CSMD3: variants seen among roughly 807,000 people sequenced by gnomAD.
CSMD3 encodes CUB and Sushi multiple domains 3, also known as CUB and sushi domain-containing protein 3.
In CSMD3, 177 loss-of-function variants were observed where a neutral mutation model predicts 435.2. That is an observed-to-expected ratio of 0.41 (90% CI 0.36 to 0.46). CSMD3 has a LOEUF of 0.46. CSMD3 is among the 20% of genes least tolerant of loss of function. The probability of loss-of-function intolerance (pLI) is 0.34; values close to 1 mark genes in which losing one functional copy is unlikely to be tolerated. For missense variants in CSMD3, 4,265 were observed against 4,504.6 expected (o/e 0.95, Z 1.52); for synonymous variants, 1,656 against 1,520.5 (o/e 1.09, Z -2.07).
intron 6 of CSMD3, among the ~76,000 whole-genome samples, chr8:112,996,895 T>C (rs1021988827): frequency 6.6e-6 from 1 of 151,664 alleles, no homozygotes; most frequent in Non-Finnish European, 1.5e-5. Flanking sequence ...TAGTTTCTTA[T>C]GGAAGTCTTA....
At position 112,378,973 on chromosome 8, in the gene CSMD3, A is replaced by G. The variant is rs538427940; in HGVS notation, c.6136+1379T>C. 6.6e-5 allele frequency among the ~76,000 whole-genome samples: 10 copies of G among 152,298 alleles called. No homozygotes were observed. The South Asian group carries it at 2.1e-3, about 32-fold the overall frequency. On this transcript the variant is annotated intron_variant, in intron 38 of 70. Transcript: ENST00000297405. The stretch of plus-strand genomic sequence containing the variant: ...TGTTGAAGAGATTCCATTAAAAAAA[A>G]CTGTTAGAACTAATAAATGAATCAG...
chr8:112,414,266 T>C (rs1811670163), intron 32 of CSMD3, among the ~76,000 whole-genome samples: 1 of 152,140 alleles, frequency 6.6e-6, no homozygotes, highest in Non-Finnish European at 1.5e-5. Context: ...CAATAATCCC[T>C]ATGTCCCCCT....
chr8:112,550,228 C>T (rs146774376), intron 27 of CSMD3, among the ~76,000 whole-genome samples: 1 of 152,002 alleles, frequency 6.6e-6, no homozygotes, highest in African/African-American at 2.4e-5. Flanking sequence ...TCAAAGATGT[C>T]TGTGAATACA....
chr8:112,739,268 T>C (rs7820108), intron 13 of CSMD3, among the ~76,000 whole-genome samples: 50,341 of 151,416 alleles, frequency 0.33, 9,236 homozygotes, highest in African/African-American at 0.5. Flanking sequence ...TCTTGTGTTT[T>C]CTTGAGCTTT....
rs1252573229 is a variant in CSMD3 at position 113,406,724 on chromosome 8, T to C, written c.178+29953A>G. Among the ~76,000 whole-genome samples the C allele has an allele frequency of 3.3e-5, 5 of 152,126 alleles. No homozygotes were observed. In the East Asian group the frequency reaches 9.7e-4, roughly 29 times the overall value. On this transcript the variant is annotated intron_variant, in intron 1 of 70. Transcript: ENST00000297405. Reference sequence around the variant, plus strand: ...GGGGAGAGGAGAACTCTACAGAGTATATGTCCTAATTTAAACAACAAATTT... The same window carrying C: ...GGGGAGAGGAGAACTCTACAGAGTACATGTCCTAATTTAAACAACAAATTT...
chr8:112,656,308 T>C lies in CSMD3; in HGVS notation c.2850A>G (p.Glu950=). Residue 950 remains glutamate, a synonymous_variant, in exon 18 of 71, where the codon GAA becomes GAG. Transcript: ENST00000297405. The stretch of plus-strand genomic sequence containing the variant: ...ACAGAAGATTTGGCCCATCATGAAC[T>C]TCCAGAACATCATAATTCAGTTCAG... ...FQTELNYDVL[E]VHDGPNLLSP... 1.2e-6 allele frequency: 2 copies of C among 1,613,492 alleles called. No homozygotes were observed. Among genetic ancestry groups the C allele is most frequent in the Non-Finnish European group, 1.7e-6 (2 of 1,179,634 alleles).
At chr8:112,595,030 G>A (rs1831560864) in intron 22 of CSMD3, among the ~76,000 whole-genome samples, 2 of 152,138 alleles carry the variant, frequency 1.3e-5, no homozygotes, top group South Asian at 4.2e-4. Context: ...ACTTTGACGA[G>A]CTGAGAGAAG....
intron 1 of CSMD3, among the ~76,000 whole-genome samples, chr8:113,386,216 A>G (rs1160351073): frequency 6.6e-6 from 1 of 151,938 alleles, no homozygotes; most frequent in African/African-American, 2.4e-5. Flanking sequence ...TTATTTTGGT[A>G]GGCAGAATCC....
intron 5 of CSMD3, among the ~76,000 whole-genome samples, chr8:113,067,511 G>T (rs2088912249): frequency 6.6e-6 from 1 of 151,826 alleles, no homozygotes; most frequent in Admixed American, 6.6e-5. Flanking sequence ...ATATTAGGTT[G>T]GTGCAAAAAT....
chr8:113,230,520 T>C (rs1001327180), intron 3 of CSMD3, among the ~76,000 whole-genome samples: 2 of 151,608 alleles, frequency 1.3e-5, no homozygotes, highest in Admixed American at 6.6e-5. Flanking sequence ...GTCCAGAGAA[T>C]TGAATTAAGG....
chr8:112,438,651 T>C (rs1319190899), intron 32 of CSMD3, among the ~76,000 whole-genome samples: 1 of 152,090 alleles, frequency 6.6e-6, no homozygotes, highest in Non-Finnish European at 1.5e-5. Context: ...AGATCTACCA[T>C]ATAAATCAAA....
At chr8:112,965,524 C>T (rs2084385892) in intron 7 of CSMD3, among the ~76,000 whole-genome samples, 1 of 151,762 alleles carries the variant, frequency 6.6e-6, no homozygotes, top group African/African-American at 2.4e-5. Flanking sequence ...GAAATAAGAA[C>T]ATTGACATCA....
chr8:113,111,771 T>C (rs1052431309), intron 4 of CSMD3, among the ~76,000 whole-genome samples: 1 of 152,052 alleles, frequency 6.6e-6, no homozygotes, highest in African/African-American at 2.4e-5. Flanking sequence ...AGCCTCTGCT[T>C]CCGAGTTCAA....
chr8:112,556,875 A>C lies in CSMD3; in HGVS notation c.4122T>G (p.Gly1374=), dbSNP rs2131225491. The C allele has an allele frequency of 1.9e-6, 3 of 1,612,032 alleles. No homozygotes were observed. Among genetic ancestry groups the C allele is most frequent in the Non-Finnish European group, 2.5e-6 (3 of 1,178,558 alleles). ...YKISDQGHFA[G]STIIYGCNPG... is the part of the protein sequence containing the mutation. ...GATTGCATCCATAAATGATGGTGCT[A>C]CCAGCAAAGTGGCCTTGGTCACTGA... The change falls in exon 25 of 71, where the codon GGT becomes GGG. Residue 1374 remains glycine, a synonymous_variant. Coordinates refer to ENST00000297405, the MANE Select transcript of CSMD3 (RefSeq NM_198123.2).
chr8:113,392,816 T>C (rs117809685), intron 1 of CSMD3, among the ~76,000 whole-genome samples: 4,986 of 152,064 alleles, frequency 0.033, 97 homozygotes, highest in Middle Eastern at 0.045. Flanking sequence ...TGGTCATCAC[T>C]AAGAACCAAC....
At chr8:113,336,145 T>C (rs893062295) in intron 1 of CSMD3, among the ~76,000 whole-genome samples, 2 of 152,128 alleles carry the variant, frequency 1.3e-5, no homozygotes, top group Admixed American at 6.6e-5. Context: ...TTGAGTAATT[T>C]ATTTTCTGTC....
intron 27 of CSMD3, among the ~76,000 whole-genome samples, chr8:112,547,974 G>A (rs1827336017): frequency 6.6e-6 from 1 of 152,064 alleles, no homozygotes. Flanking sequence ...ATCTAGGGAA[G>A]AATAATTTAG....
At chr8:112,305,940 C>T (rs2130785338) in intron 51 of CSMD3, 67 bp downstream of exon 51, 1 of 1,299,602 alleles carries the variant, frequency 7.7e-7, no homozygotes, top group Non-Finnish European at 1.1e-6. Context: ...TTCTAAAATA[C>T]ATAAAATTTC....
chr8:112,400,147 T>G (rs1352441523), intron 35 of CSMD3, among the ~76,000 whole-genome samples: 1 of 152,198 alleles, frequency 6.6e-6, no homozygotes, highest in Non-Finnish European at 1.5e-5. Context: ...AGGTGGCTTA[T>G]AAACAATAGA....
Sources: gnomAD v4.1 joint callset for allele counts (sites outside exome capture counted in the v4.1 genomes callset) on GRCh38, gnomAD v4.1.1 for gene constraint, MANE v1.5 for transcripts, NCBI Gene and HGNC (gene_info 2026-07-23, HGNC 2026-07-21) for gene names.